The following UBE2Q2 variants were observed in gnomAD, a reference collection of about 807,000 sequenced individuals.
UBE2Q2 encodes the protein ubiquitin-conjugating enzyme E2 Q2.
In UBE2Q2, 54 loss-of-function variants were observed where a neutral mutation model predicts 59.9. The observed-to-expected ratio is 0.90, with a 90% CI of 0.72 to 1.13. The LOEUF (loss-of-function observed/expected upper bound fraction) is 1.13, where lower values mean the gene tolerates loss of function less well. Among genes scored for constraint, UBE2Q2 ranks in the 50% most tolerant of loss-of-function variants. The probability of loss-of-function intolerance (pLI) is 0.00; values close to 1 mark genes in which losing one functional copy is unlikely to be tolerated. For missense variants in UBE2Q2, 433 were observed against 441.9 expected, an observed-to-expected ratio of 0.98 and a Z score of 0.18; for synonymous variants, 165 against 155.2, an observed-to-expected ratio of 1.06 and a Z score of -0.47.
At chr15:75,894,682 C>T (rs1007399383) in intron 11 of UBE2Q2, among the ~76,000 whole-genome samples, 3 of 151,990 alleles carry the variant, frequency 2.0e-5, no homozygotes, top group African/African-American at 7.3e-5. Context: ...ACCCCCAGTA[C>T]AGTAAAGTCT....
chr15:75,869,095 C>G (rs1872717799), intron 4 of UBE2Q2, 85 bp downstream of exon 4: 1 of 1,120,606 alleles, frequency 8.9e-7, no homozygotes, highest in Admixed American at 2.2e-5. Context: ...TTATAGACTA[C>G]TATTAATGTG....
intron 6 of UBE2Q2, among the ~76,000 whole-genome samples, chr15:75,877,183 AG>A (rs1567033619): frequency 6.7e-6 from 1 of 148,716 alleles, no homozygotes. Flanking sequence ...AAAAAAAAAA[AG>A]GGTTATGACC....
intron 3 of UBE2Q2, among the ~76,000 whole-genome samples, chr15:75,868,620 T>C (rs1897628938): frequency 6.6e-6 from 1 of 152,240 alleles, no homozygotes; most frequent in Non-Finnish European, 1.5e-5. Flanking sequence ...ATTGATCTTA[T>C]GCATATAGCC....
intron 9 of UBE2Q2, among the ~76,000 whole-genome samples, chr15:75,884,236 T>C (rs1898624584): frequency 6.6e-6 from 1 of 152,238 alleles, no homozygotes; most frequent in African/African-American, 2.4e-5. Flanking sequence ...CTAATTCTAT[T>C]ATGTGACATA....
chr15:75,889,727 T>C (rs997744199), intron 9 of UBE2Q2, among the ~76,000 whole-genome samples: 3 of 152,246 alleles, frequency 2.0e-5, no homozygotes, highest in African/African-American at 7.2e-5. Context: ...TTCCCTTGAT[T>C]TTTTAAGGCA....
chr15:75,885,576 T>G (rs1355219827), intron 9 of UBE2Q2, among the ~76,000 whole-genome samples: 1 of 152,212 alleles, frequency 6.6e-6, no homozygotes, highest in East Asian at 1.9e-4. Flanking sequence ...CAGAGGACGG[T>G]GTCCTCTGGC....
intron 8 of UBE2Q2, among the ~76,000 whole-genome samples, chr15:75,881,143 A>C (rs1466439566): frequency 6.6e-6 from 1 of 152,226 alleles, no homozygotes; most frequent in Non-Finnish European, 1.5e-5. Flanking sequence ...CCAAAAACAA[A>C]AAACAAAACA....
intron 8 of UBE2Q2, among the ~76,000 whole-genome samples, chr15:75,879,908 T>C (rs1001748019): frequency 2.0e-5 from 3 of 151,946 alleles, no homozygotes; most frequent in African/African-American, 7.3e-5. Flanking sequence ...CAGGTTAGGG[T>C]AAGGAGTCCA....
At chr15:75,895,431 C>G (rs1274495753) in intron 11 of UBE2Q2, 1 of 152,010 alleles carries the variant, frequency 6.6e-6, no homozygotes, top group Non-Finnish European at 1.5e-5. Context: ...GATCTACCTG[C>G]CTCAGCCTCT....
chr15:75,864,760 C>T (rs1897373050), intron 3 of UBE2Q2, among the ~76,000 whole-genome samples: 1 of 151,994 alleles, frequency 6.6e-6, no homozygotes, highest in African/African-American at 2.4e-5. Context: ...TGAAAGAATC[C>T]TCTTTTAGTT....
At chr15:75,845,879 G>A (rs1451701481) in intron 1 of UBE2Q2, among the ~76,000 whole-genome samples, 1 of 152,142 alleles carries the variant, frequency 6.6e-6, no homozygotes, top group South Asian at 2.1e-4. Flanking sequence ...CAACAGAAAT[G>A]GAGCAAGAAG....
rs201764126 is a variant in UBE2Q2, at chr15:75,899,934, A to ATT, written c.*479_*480dup. 8.1e-3 allele frequency: 1,239 copies of ATT among 152,860 alleles called. 6 individuals are homozygous for ATT. Among genetic ancestry groups the ATT allele is most frequent in the Middle Eastern group, 0.031 (9 of 294 alleles). The allele number at this position is 152,860 out of a possible 1,614,324, so 9.5% of individuals were successfully genotyped here. ...TAATAGCTCTTTCATGTCTAAAACC[A>ATT]TTTTATGATATTGCCAAAATGTGAT... is the stretch of plus-strand genomic sequence containing the variant. On this transcript the variant is annotated 3_prime_UTR_variant, in exon 13 of 13. Coordinates refer to ENST00000267938, the MANE Select transcript of UBE2Q2 (RefSeq NM_173469.4).
rs890641626 is a variant in UBE2Q2 at position 75,843,775 on chromosome 15, C to T, written c.109C>T (p.Gln37Ter). Residue 37 changes from glutamine to a stop codon, truncating the protein, a stop_gained, in exon 1 of 13, where the codon CAG (glutamine) becomes TAG (stop). Transcript: ENST00000267938. LOFTEE classifies it high-confidence loss of function. The stretch of plus-strand genomic sequence containing the variant: ...TTGGAAGCTGGACGAGCTGCACTGC[C>T]AGTTCCTGGTGCCGCAGCAGGGCAG... Reference protein sequence around the residue: ...VSWKLDELHCQFLVPQQGSPH... With the variant: ...VSWKLDELHC 9 of 1,610,106 alleles carry T rather than the reference C, an allele frequency of 5.6e-6. No homozygotes were observed. The highest frequency in any genetic ancestry group is 7.6e-6 in the Non-Finnish European group (9 of 1,178,720).
At chr15:75,855,158 A>C (rs1896836141) in intron 2 of UBE2Q2, among the ~76,000 whole-genome samples, 1 of 152,128 alleles carries the variant, frequency 6.6e-6, no homozygotes, top group African/African-American at 2.4e-5. Flanking sequence ...GTGTTTAAAT[A>C]GTTGAGGTCA....
intron 1 of UBE2Q2, among the ~76,000 whole-genome samples, chr15:75,849,170 A>C (rs1239922585): frequency 1.3e-5 from 2 of 152,202 alleles, no homozygotes; most frequent in African/African-American, 4.8e-5. Flanking sequence ...ATGCATTTTA[A>C]GTATCTTTTG....
At chr15:75,858,430 C>G (rs1897031578) in intron 2 of UBE2Q2, among the ~76,000 whole-genome samples, 1 of 152,126 alleles carries the variant, frequency 6.6e-6, no homozygotes, top group African/African-American at 2.4e-5. Context: ...CATACCCAAA[C>G]CTGGGAACTG....
chr15:75,866,178 A>G (rs1897468046), intron 3 of UBE2Q2, among the ~76,000 whole-genome samples: 1 of 150,486 alleles, frequency 6.6e-6, no homozygotes, highest in South Asian at 2.1e-4. Context: ...TTTCAGTTTT[A>G]CTTTTTTTTT....
At chr15:75,885,054 C>T (rs559098247) in intron 9 of UBE2Q2, among the ~76,000 whole-genome samples, 1 of 152,004 alleles carries the variant, frequency 6.6e-6, no homozygotes, top group African/African-American at 2.4e-5. Flanking sequence ...GTTTACTTAC[C>T]TGACACCTGC....
At chr15:75,852,649 C>A (rs2141548094) in intron 1 of UBE2Q2, among the ~76,000 whole-genome samples, 1 of 152,158 alleles carries the variant, frequency 6.6e-6, no homozygotes, top group East Asian at 1.9e-4. Flanking sequence ...GGAAAAGAAA[C>A]CTAAAAACTA....
Sources: gnomAD v4.1 joint callset for allele counts (sites outside exome capture counted in the v4.1 genomes callset) on GRCh38, gnomAD v4.1.1 for gene constraint, MANE v1.5 for transcripts, NCBI Gene and HGNC (gene_info 2026-07-23, HGNC 2026-07-21) for gene names.